DPP10: variants seen among roughly 807,000 people sequenced by gnomAD.
DPP10 encodes dipeptidyl peptidase like 10, also known as inactive dipeptidyl peptidase 10.
A neutral mutation model predicts 120.9 loss-of-function variants in DPP10; 33 were observed. That is an observed-to-expected ratio of 0.27 (90% confidence interval 0.21 to 0.37). The LOEUF (loss-of-function observed/expected upper bound fraction) is 0.37, where lower values mean the gene tolerates loss of function less well. DPP10 is among the 10% of genes least tolerant of loss of function. The pLI, the probability that DPP10 is intolerant of heterozygous loss-of-function variation, is 1.00. For missense variants in DPP10, 816 were observed against 942.8 expected (o/e 0.87, Z 1.76); for synonymous variants, 337 against 326.1 (o/e 1.03, Z -0.36).
At chr2:114,510,649 G>C (rs886274939) in intron 1 of DPP10, among the ~76,000 whole-genome samples, 4 of 152,010 alleles carry the variant, frequency 2.6e-5, no homozygotes, top group African/African-American at 9.7e-5. Flanking sequence ...ATCCTAAATG[G>C]GTTAATGCAA....
chr2:115,264,397 T>C (rs2059377167), intron 1 of DPP10, among the ~76,000 whole-genome samples: 1 of 152,152 alleles, frequency 6.6e-6, no homozygotes, highest in Non-Finnish European at 1.5e-5. Context: ...TGGGGAATAA[T>C]ATTTGTACAG....
intron 1 of DPP10, among the ~76,000 whole-genome samples, chr2:114,828,140 A>G (rs1686730595): frequency 6.6e-6 from 1 of 152,192 alleles, no homozygotes; most frequent in African/African-American, 2.4e-5. Context: ...CAGGTCTTTC[A>G]GAGACAAAGG....
At chr2:115,107,204 T>A (rs1167506333) in intron 1 of DPP10, among the ~76,000 whole-genome samples, 1 of 152,050 alleles carries the variant, frequency 6.6e-6, no homozygotes, top group Admixed American at 6.5e-5. Flanking sequence ...AATTTTTATA[T>A]TACTTAATTT....
chr2:115,693,663 CTTA>C (rs975229281), intron 7 of DPP10, among the ~76,000 whole-genome samples: 1 of 151,796 alleles, frequency 6.6e-6, no homozygotes, highest in Non-Finnish European at 1.5e-5. Flanking sequence ...TTATTGATTC[CTTA>C]TTTTTTAATA....
At chr2:115,007,982 C>T (rs1158472611) in intron 1 of DPP10, among the ~76,000 whole-genome samples, 20 of 152,052 alleles carry the variant, frequency 1.3e-4, no homozygotes, top group Non-Finnish European at 2.1e-4. Context: ...GAATCAATAT[C>T]GTGAAAATGG....
chr2:115,513,318 A>T (rs1180767937), intron 4 of DPP10, among the ~76,000 whole-genome samples: 1 of 151,914 alleles, frequency 6.6e-6, no homozygotes, highest in Non-Finnish European at 1.5e-5. Context: ...ATTTTAAAAA[A>T]ATTTATCCTG....
chr2:115,429,144 A>AT (rs1166442969), intron 3 of DPP10, among the ~76,000 whole-genome samples: 1 of 152,256 alleles, frequency 6.6e-6, no homozygotes, highest in Non-Finnish European at 1.5e-5. Flanking sequence ...ATTTTAATAA[A>AT]TAAAGGAGGG....
chr2:114,884,548 C>G (rs560422229), intron 1 of DPP10, among the ~76,000 whole-genome samples: 1 of 152,146 alleles, frequency 6.6e-6, no homozygotes, highest in Non-Finnish European at 1.5e-5. Flanking sequence ...CTGTCTCCCC[C>G]TTCCACGTTT....
At chr2:115,654,239 A>G (rs538824654) in intron 5 of DPP10, among the ~76,000 whole-genome samples, 2 of 152,014 alleles carry the variant, frequency 1.3e-5, no homozygotes, top group East Asian at 3.9e-4. Flanking sequence ...ATAAATTCTA[A>G]GTATACACGA....
Position 115,004,235 on chromosome 2 carries a change from G to C in DPP10, c.61-305004G>C, listed in dbSNP as rs190778013. Among the ~76,000 whole-genome samples the C allele has an allele frequency of 9.3e-4, 141 of 152,306 alleles. 1 individual carries two copies. Among genetic ancestry groups the C allele is most frequent in the African/African-American group, 3.2e-3 (135 of 41,578 alleles). ...ACATACAGTTTGATAAAAGAAATAA[G>C]ACGTGGTGTTTGATATATTAGCAGG... On this transcript the variant is annotated intron_variant, in intron 1 of 25. Transcript: ENST00000410059.
In DPP10 at chr2:114,728,498, A is replaced by T. The variant is rs556270692; in HGVS notation, c.60+285660A>T. Among the ~76,000 whole-genome samples the T allele has an allele frequency of 1.1e-4, 17 of 152,322 alleles. No homozygotes were observed. The South Asian group carries it at 3.3e-3, about 30-fold the overall frequency. Reference sequence around the variant, plus strand: ...TTAATCCTAGGTGACAGGAGTAGGTACATGAACCAGGATTGGTCATTCATA... The same window carrying T: ...TTAATCCTAGGTGACAGGAGTAGGTTCATGAACCAGGATTGGTCATTCATA... On this transcript the variant is annotated intron_variant, in intron 1 of 25. Transcript: ENST00000410059.
chr2:114,966,910 C>T (rs34793855), intron 1 of DPP10, among the ~76,000 whole-genome samples: 36,632 of 152,008 alleles, frequency 0.24, 4,718 homozygotes, highest in Admixed American at 0.3. Flanking sequence ...GGTGTAGTGG[C>T]TCATGCCTGT....
intron 3 of DPP10, among the ~76,000 whole-genome samples, chr2:115,381,304 C>T (rs1285601997): frequency 6.6e-6 from 1 of 152,122 alleles, no homozygotes; most frequent in Admixed American, 6.5e-5. Flanking sequence ...TCATTCATTT[C>T]ATCTTCCATC....
At chr2:115,169,371 T>A (rs562405341) in intron 1 of DPP10, among the ~76,000 whole-genome samples, 79 of 152,256 alleles carry the variant, frequency 5.2e-4, no homozygotes, top group African/African-American at 1.7e-3. Context: ...CAAAAGTAAA[T>A]TTGCACTTAT....
intron 1 of DPP10, among the ~76,000 whole-genome samples, chr2:115,096,320 G>A (rs1429365597): frequency 6.6e-6 from 1 of 151,940 alleles, no homozygotes; most frequent in Non-Finnish European, 1.5e-5. Flanking sequence ...ACTGAACTCT[G>A]GTATACAGTA....
intron 4 of DPP10, among the ~76,000 whole-genome samples, chr2:115,523,731 A>G (rs951051198): frequency 2.0e-5 from 3 of 152,136 alleles, no homozygotes; most frequent in African/African-American, 7.2e-5. Context: ...TTCAATATAC[A>G]ATAAAGTAAT....
chr2:115,745,976 T>C, intron 9 of DPP10, 110 bp from the exon 10 acceptor site: 3 of 763,254 alleles, frequency 3.9e-6, no homozygotes, highest in Non-Finnish European at 6.0e-6. Context: ...AAATTAAACT[T>C]TTTTTCTTTT....
intron 5 of DPP10, among the ~76,000 whole-genome samples, chr2:115,565,769 G>GTTTTTTTTTTTTTTTT (rs144846765): frequency 7.3e-6 from 1 of 136,232 alleles, no homozygotes. Context: ...TGTTTGTTTT[G>GTTTTTTTTTTTTTTTT]TTTTTTTTTG....
chr2:115,058,386 A>G (rs1334941188), intron 1 of DPP10, among the ~76,000 whole-genome samples: 1 of 151,348 alleles, frequency 6.6e-6, no homozygotes, highest in East Asian at 1.9e-4. Context: ...AACCATTTAC[A>G]TTTCCAACTC....
Sources: gnomAD v4.1 joint callset for allele counts (sites outside exome capture counted in the v4.1 genomes callset) on GRCh38, gnomAD v4.1.1 for gene constraint, MANE v1.5 for transcripts, NCBI Gene and HGNC (gene_info 2026-07-23, HGNC 2026-07-21) for gene names.